The following ITGA9 variants were observed in gnomAD, a reference collection of about 807,000 sequenced individuals.
ITGA9 encodes the protein integrin alpha-9.
A neutral mutation model predicts 127.8 loss-of-function variants in ITGA9; 56 were observed. That is an observed-to-expected ratio of 0.44 (90% confidence interval 0.35 to 0.55). The LOEUF is 0.55. ITGA9 is among the 20% of genes least tolerant of loss of function. ITGA9 has a pLI of 0.00. For synonymous variants in ITGA9, 508 were observed against 514.5 expected (o/e 0.99, Z 0.17); for missense variants, 1,196 against 1,347.1 (o/e 0.89, Z 1.76).
chr3:37,719,014 A>G (rs1161939022), intron 18 of ITGA9, among the ~76,000 whole-genome samples: 1 of 152,210 alleles, frequency 6.6e-6, no homozygotes, highest in African/African-American at 2.4e-5. Context: ...GTTAAGAACC[A>G]ATGAAGAATG....
intron 15 of ITGA9, among the ~76,000 whole-genome samples, chr3:37,592,500 G>A (rs117420746): frequency 2.0e-5 from 3 of 152,202 alleles, no homozygotes; most frequent in East Asian, 1.9e-4. Context: ...CCCTTCTACC[G>A]ACTTTCCATT....
At chr3:37,736,247 A>C (rs1276712342) in intron 19 of ITGA9, among the ~76,000 whole-genome samples, 1 of 152,180 alleles carries the variant, frequency 6.6e-6, no homozygotes, top group Non-Finnish European at 1.5e-5. Context: ...GGGGGACACA[A>C]ACATTCAGCG....
intron 15 of ITGA9, among the ~76,000 whole-genome samples, chr3:37,552,040 G>C (rs1271431897): frequency 6.6e-6 from 1 of 152,232 alleles, no homozygotes; most frequent in Admixed American, 6.5e-5. Flanking sequence ...GTTTGGGTGG[G>C]AATCACAAGC....
chr3:37,738,737 G>A (rs968890578), intron 20 of ITGA9, among the ~76,000 whole-genome samples: 3 of 152,192 alleles, frequency 2.0e-5, no homozygotes, highest in African/African-American at 7.2e-5. Context: ...TTCCACACCT[G>A]AGGCAGCCTG....
intron 18 of ITGA9, among the ~76,000 whole-genome samples, chr3:37,719,716 C>T (rs1701170859): frequency 1.3e-5 from 2 of 152,202 alleles, no homozygotes; most frequent in African/African-American, 2.4e-5. Flanking sequence ...AAGGAGAGAC[C>T]GGTGAGATGG....
At chr3:37,746,729 A>G (rs760497059) in intron 22 of ITGA9, among the ~76,000 whole-genome samples, 1 of 152,064 alleles carries the variant, frequency 6.6e-6, no homozygotes, top group African/African-American at 2.4e-5. Context: ...TTCCTTTTCT[A>G]TGTCTTCAGG....
intron 18 of ITGA9, among the ~76,000 whole-genome samples, chr3:37,710,793 C>T (rs1380864351): frequency 6.6e-6 from 1 of 152,154 alleles, no homozygotes; most frequent in Non-Finnish European, 1.5e-5. Context: ...TCCGCAGCTT[C>T]CTGAAGAGGG....
At chr3:37,684,338 A>G (rs553847422) in intron 18 of ITGA9, among the ~76,000 whole-genome samples, 1 of 152,320 alleles carries the variant, frequency 6.6e-6, no homozygotes, top group Non-Finnish European at 1.5e-5. Flanking sequence ...TCCAGCACAC[A>G]CATGTTCTAG....
chr3:37,495,304 A>G (rs1324233274), intron 5 of ITGA9, among the ~76,000 whole-genome samples: 1 of 152,150 alleles, frequency 6.6e-6, no homozygotes, highest in African/African-American at 2.4e-5. Flanking sequence ...CCAGATTCAG[A>G]AGGACAGGAC....
intron 23 of ITGA9, among the ~76,000 whole-genome samples, chr3:37,767,460 G>C (rs189267734): frequency 5.5e-4 from 84 of 152,260 alleles, no homozygotes; most frequent in Non-Finnish European, 1.0e-3. Context: ...TTAAAGTTAC[G>C]ATCTTTTCCT....
At chr3:37,683,707 C>G (rs958873955) in intron 17 of ITGA9, among the ~76,000 whole-genome samples, 158 bp from the exon 18 acceptor site, 2 of 152,176 alleles carry the variant, frequency 1.3e-5, no homozygotes, top group African/African-American at 4.8e-5. Flanking sequence ...GGCCCTAGAG[C>G]TAACTGATTG....
chr3:37,510,249 C>T (rs1251459415), intron 8 of ITGA9, among the ~76,000 whole-genome samples: 1 of 152,110 alleles, frequency 6.6e-6, no homozygotes, highest in East Asian at 1.9e-4. Context: ...AAGGGATCCA[C>T]CCACCTTGGC....
chr3:37,744,395 G>A (rs1267106243), intron 22 of ITGA9, among the ~76,000 whole-genome samples: 2 of 152,194 alleles, frequency 1.3e-5, no homozygotes, highest in Non-Finnish European at 2.9e-5. Flanking sequence ...GGCTGCCTCA[G>A]AGGATTTGCT....
chr3:37,695,150 A>C (rs557679288), intron 18 of ITGA9, among the ~76,000 whole-genome samples: 9 of 152,280 alleles, frequency 5.9e-5, no homozygotes, highest in African/African-American at 2.2e-4. Context: ...TCATTGGTTA[A>C]GGGCCACTTA....
chr3:37,731,455 T>G (rs1696291777), intron 18 of ITGA9, among the ~76,000 whole-genome samples: 2 of 152,238 alleles, frequency 1.3e-5, no homozygotes, highest in Non-Finnish European at 2.9e-5. Context: ...ATCAGTTATA[T>G]CCGAGACTGG....
chr3:37,531,047 G>A (rs1269985453), intron 13 of ITGA9, among the ~76,000 whole-genome samples: 4 of 151,996 alleles, frequency 2.6e-5, no homozygotes, highest in African/African-American at 9.7e-5. Context: ...CACCGCGCCC[G>A]GCCGCTACCA....
chr3:37,662,675 C>A (rs779861034), intron 17 of ITGA9, among the ~76,000 whole-genome samples: 2 of 152,170 alleles, frequency 1.3e-5, no homozygotes, highest in South Asian at 4.1e-4. Flanking sequence ...CATGGTGCCC[C>A]CCTCCCAGGG....
Position 37,732,935 on chromosome 3 carries a change from C to G in ITGA9, c.2154+137C>G, listed in dbSNP as rs971319885. 5.6e-6 allele frequency: 4 copies of G among 710,052 alleles called. No homozygotes were observed. In the Admixed American group the frequency reaches 8.1e-5, roughly 14 times the overall value. The allele number at this position is 710,052 out of a possible 1,614,324, so 44.0% of individuals were successfully genotyped here. A position where few individuals can be genotyped will look rare whatever the true frequency, so the allele number is the denominator to read the frequency against. ...TAGCAGCTGGGGCGGCCACTGAAGC[C>G]CTGACATGCTCCTGTCCCTGGCTGT... On this transcript the variant is annotated intron_variant, in intron 19 of 27. Coordinates refer to ENST00000264741, the MANE Select transcript of ITGA9 (RefSeq NM_002207.3).
At chr3:37,486,322 C>T (rs1698610099) in intron 4 of ITGA9, among the ~76,000 whole-genome samples, 1 of 152,216 alleles carries the variant, frequency 6.6e-6, no homozygotes, top group African/African-American at 2.4e-5. Flanking sequence ...ATTGTGGAAT[C>T]TGGCTTTACT....
Sources: allele counts gnomAD v4.1 joint callset (sites outside exome capture counted in the v4.1 genomes callset), GRCh38; gene constraint gnomAD v4.1.1; transcripts MANE v1.5; gene names NCBI Gene and HGNC (gene_info 2026-07-23, HGNC 2026-07-21).